POLG: variants seen among roughly 807,000 people sequenced by gnomAD.
POLG encodes DNA polymerase gamma, catalytic subunit, also known as DNA polymerase subunit gamma-1.
A neutral mutation model predicts 155.4 loss-of-function variants in POLG; 110 were observed. The observed-to-expected ratio is 0.71, with a 90% confidence interval of 0.61 to 0.83. POLG has a LOEUF of 0.83. POLG is among the 40% of genes least tolerant of loss of function. The probability of loss-of-function intolerance (pLI) is 0.00; values close to 1 mark genes in which losing one functional copy is unlikely to be tolerated. For synonymous variants in POLG, 701 were observed against 631.5 expected, an observed-to-expected ratio of 1.11 and a Z score of -1.65; for missense variants, 1,685 against 1,627.5, an observed-to-expected ratio of 1.04 and a Z score of -0.61.
intron 2 of POLG, 56 bp from the exon 3 acceptor site, chr15:89,330,332 A>G: frequency 7.5e-7 from 1 of 1,336,222 alleles, no homozygotes; most frequent in South Asian, 1.2e-5. Flanking sequence ...CTTCCACTCC[A>G]CAACAACCAC....
rs765542094 is a variant in POLG at position 89,333,354 on chromosome 15, T to C, written c.401A>G (p.Asn134Ser). 4.5e-6 allele frequency: 7 copies of C among 1,571,044 alleles called. No homozygotes were observed. The East Asian group carries it at 7.1e-5, about 16-fold the overall frequency. Residue 134 changes from asparagine to serine, a missense_variant, in exon 2 of 23, where the codon AAC becomes AGC. This residue lies in a region of POLG where 1,210 missense variants were observed against 1,167.1 expected (regional missense o/e 1.04). Coordinates refer to ENST00000268124, the MANE Select transcript of POLG (RefSeq NM_002693.3). The part of the protein sequence containing the change: ...ELRLPPLYGD[N>S]LDQHFRLLAQ... ...CAGGAGGCGGAAGTGCTGGTCCAGGTTGTCCCCGTAGAGGGGCGGCAGGCG... is the reference window on the plus strand; with the variant it reads ...CAGGAGGCGGAAGTGCTGGTCCAGGCTGTCCCCGTAGAGGGGCGGCAGGCG...
At chr15:89,331,931 A>C (rs1238342068) in intron 2 of POLG, among the ~76,000 whole-genome samples, 1 of 152,206 alleles carries the variant, frequency 6.6e-6, no homozygotes. Flanking sequence ...CAGGGAGGGA[A>C]AGGAGAGGTA....
At chr15:89,317,561 A>T in intron 21 of POLG, 25 bp from the exon 22 acceptor site, 1 of 1,610,968 alleles carries the variant, frequency 6.2e-7, no homozygotes, top group Admixed American at 1.7e-5. Context: ...ATCTACTCTC[A>T]CAGTCATGCC....
intron 3 of POLG, 139 bp from the exon 4 acceptor site, chr15:89,329,249 A>G (rs750187265): frequency 1.1e-5 from 8 of 705,672 alleles, no homozygotes; most frequent in East Asian, 2.7e-5. Flanking sequence ...ACAGCCTTCA[A>G]CACCAAATAC....
intron 9 of POLG, 39 bp downstream of exon 9, chr15:89,326,573 T>G (rs749672126): frequency 1.2e-6 from 2 of 1,609,164 alleles, no homozygotes; most frequent in East Asian, 2.2e-5. Flanking sequence ...GGAGCAAGGG[T>G]AGACTCTAGA....
Position 89,327,269 on chromosome 15 carries a change from T to A in POLG, c.1331A>T (p.Tyr444Phe). The A allele has an allele frequency of 6.2e-7, 1 of 1,614,166 alleles. No individual in the cohort carries two copies. Among genetic ancestry groups the A allele is most frequent in the Non-Finnish European group, 8.5e-7 (1 of 1,179,998 alleles). Residue 444 changes from tyrosine to phenylalanine, a missense_variant, in exon 7 of 23, where the codon TAC becomes TTC. Tyr to Phe is a conservative substitution (Grantham distance 22). Transcript: ENST00000268124. ...ATAAGTGCCCTGTGCCTCTGCCAGG[T>A]AACGCTCCCAGTTCTGGTTGACAGG... ...YLPVNQNWER[Y>F]LAEAQGTYEE... is the part of the protein sequence containing the mutation.
chr15:89,322,741 C>A lies in POLG; in HGVS notation c.2426+1G>T. 6.2e-7 allele frequency: 1 copy of A among 1,613,950 alleles called. No individual in the cohort carries two copies. Among genetic ancestry groups the A allele is most frequent in the Non-Finnish European group, 8.5e-7 (1 of 1,179,970 alleles). On this transcript the variant is annotated splice_donor_variant, in intron 14 of 22. Transcript: ENST00000268124. LOFTEE classifies it high-confidence loss of function. Reference sequence around the variant, plus strand: ...CCAGGACTCCTCCCATGGTGGCCCACCTGATACGTTTATGGGCGTTCCTCC... The same window carrying A: ...CCAGGACTCCTCCCATGGTGGCCCAACTGATACGTTTATGGGCGTTCCTCC...
At chr15:89,320,725 CG>C in intron 18 of POLG, 40 bp downstream of exon 18, 1 of 1,608,960 alleles carries the variant, frequency 6.2e-7, no homozygotes. Flanking sequence ...AAGCAGGCCT[CG>C]GGTCCTGGGT....
Position 89,322,272 on chromosome 15 carries a change from C to T in POLG, c.2427-257G>A, listed in dbSNP as rs541536412. Among the ~76,000 whole-genome samples, 34 of 152,324 alleles carry T rather than the reference C, an allele frequency of 2.2e-4. 3 individuals are homozygous for T. Among genetic ancestry groups the T allele is most frequent in the Admixed American group, 1.4e-3 (22 of 15,310 alleles). On this transcript the variant is annotated intron_variant, in intron 14 of 22. Transcript: ENST00000268124. ...TCCTCTCCGGGGGGCATCCATGAGG[C>T]GCTCCTTCCACCAATGCCTCTTCCT...
intron 22 of POLG, 59 bp downstream of exon 22, chr15:89,317,317 C>A (rs1204887867): frequency 6.4e-7 from 1 of 1,561,276 alleles, no homozygotes; most frequent in Non-Finnish European, 8.8e-7. Context: ...TCTCCAAGAC[C>A]CACTTTCTAG....
chr15:89,322,703 G>A (rs1212048479), intron 14 of POLG, 39 bp downstream of exon 14: 3 of 1,604,082 alleles, frequency 1.9e-6, no homozygotes, highest in East Asian at 2.2e-5. Flanking sequence ...TGGGAAGAGA[G>A]GGGAAAGGCA....
chr15:89,325,299 G>GGTGTGTGTGTGTGTGT lies in POLG; in HGVS notation c.1949+135_1949+150dup, dbSNP rs71149295. 5.1e-5 allele frequency: 27 copies of GGTGTGTGTGTGTGTGT among 527,458 alleles called. No homozygotes were observed. The African/African-American group carries it at 8.2e-4, about 16-fold the overall frequency. 32.7% of individuals were successfully genotyped at this position (527,458 alleles called of 1,614,324 possible). ...GAGAGAGAGAAAGAGAGAGAGAGAG[G>GGTGTGTGTGTGTGTGT]GTGTGTGTGTGTGTGTTAATTTTTT... On this transcript the variant is annotated intron_variant, in intron 10 of 22. Coordinates refer to ENST00000268124, the MANE Select transcript of POLG (RefSeq NM_002693.3).
chr15:89,333,954 A>G (rs2055635570), intron 1 of POLG, 41 bp from the exon 2 acceptor site: 4 of 625,408 alleles, frequency 6.4e-6, no homozygotes, highest in Non-Finnish European at 1.1e-5. Context: ...TTTACCATAT[A>G]TGTAATAGGT....
At chr15:89,334,064 T>C (rs2055637166) in intron 1 of POLG, 151 bp from the exon 2 acceptor site, 1 of 451,074 alleles carries the variant, frequency 2.2e-6, no homozygotes, top group African/African-American at 2.1e-5. Flanking sequence ...TTGGGAAACG[T>C]CAATACCCCT....
chr15:89,325,627 A>C lies in POLG; in HGVS notation c.1772T>G (p.Leu591Arg), dbSNP rs756072588. ...DDPAWTPGPS[L>R]LSLQMRVTPK... ...TGTGACCCGCATCTGCAGGCTGAGG[A>C]GGCTGGGGCCCGGGGTCCATGCAGG... is the stretch of plus-strand genomic sequence containing the variant. Residue 591 changes from leucine to arginine, a missense_variant, in exon 10 of 23, where the codon CTC becomes CGC. Physicochemically the swap from Leu to Arg is moderately radical, Grantham distance 102. This residue lies in a region of POLG where 1,210 missense variants were observed against 1,167.1 expected (regional missense o/e 1.04). Coordinates refer to ENST00000268124, the MANE Select transcript of POLG (RefSeq NM_002693.3). The C allele has an allele frequency of 6.2e-6, 10 of 1,613,324 alleles. No homozygotes were observed. The highest frequency in any genetic ancestry group is 1.7e-5 in the Admixed American group (1 of 60,030).
At position 89,318,621 on chromosome 15, in the gene POLG, A is replaced by G. The variant is rs749765817; in HGVS notation, c.3402T>C (p.His1134=). The change falls in exon 21 of 23, where the codon CAT becomes CAC. Residue 1134 remains histidine, a synonymous_variant. Transcript: ENST00000268124. ...CCCGCACCAGGTAGCGAACCTCGTC[A>G]TGGATGCTGATGCAGAAGCGCCCAT... ...AIDGRFCISI[H]DEVRYLVREE... is the part of the protein sequence containing the mutation. 7 of 1,614,200 alleles carry G rather than the reference A, an allele frequency of 4.3e-6. No homozygotes were observed. Among genetic ancestry groups the G allele is most frequent in the South Asian group, 1.1e-5 (1 of 91,088 alleles).
intron 18 of POLG, among the ~76,000 whole-genome samples, chr15:89,320,238 G>C (rs897367426): frequency 1.3e-5 from 2 of 152,198 alleles, no homozygotes; most frequent in African/African-American, 4.8e-5. Flanking sequence ...TTCCCTCAAT[G>C]TTTTTGGAAC....
chr15:89,332,301 T>C (rs1360317552), intron 2 of POLG: 1 of 152,182 alleles, frequency 6.6e-6, no homozygotes, highest in Middle Eastern at 3.2e-3. Flanking sequence ...TAGCTTCCAA[T>C]AGGAATAAAG....
At chr15:89,332,606 A>AG (rs2055608091) in intron 2 of POLG, among the ~76,000 whole-genome samples, 1 of 378 alleles carries the variant, frequency 2.6e-3, no homozygotes, top group Non-Finnish European at 4.6e-3. Flanking sequence ...CGGCGGGGGC[A>AG]GGGGGGCGGG....
Sources: gnomAD v4.1 joint callset for allele counts (sites outside exome capture counted in the v4.1 genomes callset) on GRCh38, gnomAD v4.1.1 for gene constraint, gnomAD v4.1.1 regional missense constraint, MANE v1.5 for transcripts, NCBI Gene and HGNC (gene_info 2026-07-23, HGNC 2026-07-21) for gene names.